Variants in MEIS2 observed in about 807,000 individuals in gnomAD.
MEIS2 encodes the protein Meis homeobox 2.
In MEIS2, 9 loss-of-function variants were observed where a neutral mutation model predicts 58.6. The ratio of observed to expected loss-of-function variants is 0.15; its 90% CI spans 0.09 to 0.27. MEIS2 has a LOEUF of 0.27. Among genes scored for constraint, MEIS2 ranks in the 10% least tolerant of loss-of-function variants. The pLI, the probability that MEIS2 is intolerant of heterozygous loss-of-function variation, is 1.00. For missense variants in MEIS2, 427 were observed against 635.0 expected, an observed-to-expected ratio of 0.67 and a Z score of 3.52; for synonymous variants, 221 against 228.4, an observed-to-expected ratio of 0.97 and a Z score of 0.29.
intron 9 of MEIS2, among the ~76,000 whole-genome samples, chr15:36,936,687 C>T (rs958297745): frequency 3.3e-5 from 5 of 152,094 alleles, no homozygotes; most frequent in African/African-American, 9.7e-5. Context: ...TTAAGAGTCA[C>T]AAAATAACAT....
At chr15:37,095,919 G>C in intron 3 of MEIS2, 1 of 477,140 alleles carries the variant, frequency 2.1e-6, no homozygotes, top group South Asian at 2.6e-5. Flanking sequence ...TGCTGCCTGG[G>C]ACCGCTCGGA....
In MEIS2 at chr15:36,935,330, C is replaced by T. The variant is rs563690622; in HGVS notation, c.977+14994G>A. Among the ~76,000 whole-genome samples, 4 of 152,064 alleles carry T rather than the reference C, an allele frequency of 2.6e-5. No individual in the cohort carries two copies. The East Asian group carries it at 7.7e-4, about 29-fold the overall frequency. ...GCCAAAAGCCATCCAGTAATATATT[C>T]AGCCCAAACCCAAACTAAATTTTTT... On this transcript the variant is annotated intron_variant, in intron 9 of 11. Coordinates refer to ENST00000561208, the MANE Select transcript of MEIS2 (RefSeq NM_170675.5).
intron 8 of MEIS2, among the ~76,000 whole-genome samples, chr15:37,028,823 TA>T (rs2141703379): frequency 6.6e-6 from 1 of 152,218 alleles, no homozygotes; most frequent in African/African-American, 2.4e-5. Context: ...CCCATCCCAA[TA>T]AGGACATGAC....
chr15:36,900,061 T>A (rs2056388298), intron 9 of MEIS2, among the ~76,000 whole-genome samples: 1 of 152,190 alleles, frequency 6.6e-6, no homozygotes. Flanking sequence ...ATTAAAAAAT[T>A]CTCTAAGTTT....
intron 7 of MEIS2, among the ~76,000 whole-genome samples, chr15:37,063,697 C>CAA (rs1245294935): frequency 6.6e-6 from 1 of 152,106 alleles, no homozygotes; most frequent in Non-Finnish European, 1.5e-5. Context: ...TGGTAATAAT[C>CAA]AAATAGAACT....
At chr15:37,013,861 C>A (rs537060775) in intron 8 of MEIS2, among the ~76,000 whole-genome samples, 34 of 152,216 alleles carry the variant, frequency 2.2e-4, no homozygotes, top group African/African-American at 6.7e-4. Flanking sequence ...CTGGCTTACT[C>A]CTCTTTCCAG....
chr15:37,079,254 A>C (rs892077975), intron 7 of MEIS2, among the ~76,000 whole-genome samples: 1 of 149,786 alleles, frequency 6.7e-6, no homozygotes, highest in African/African-American at 2.4e-5. Flanking sequence ...GACAGGAAGG[A>C]AAAAAAATGT....
chr15:37,046,462 G>GA (rs1194034995), intron 7 of MEIS2, among the ~76,000 whole-genome samples: 5 of 150,098 alleles, frequency 3.3e-5, no homozygotes, highest in Non-Finnish European at 7.4e-5. Flanking sequence ...AGTGGTGGGT[G>GA]AAAAAAAAAA....
Position 36,977,761 on chromosome 15 carries a change from A to G in MEIS2, c.901-27361T>C, listed in dbSNP as rs112445483. 4.2e-3 allele frequency among the ~76,000 whole-genome samples: 642 copies of G among 152,342 alleles called. 2 individuals are homozygous for G. Among genetic ancestry groups the G allele is most frequent in the African/African-American group, 0.015 (616 of 41,578 alleles). ...TCTAATTCCTAAAGATAAAACTTAG[A>G]AAAGGCTGGTTGATCTTTATCTTCT... On this transcript the variant is annotated intron_variant, in intron 8 of 11. Coordinates refer to ENST00000561208, the MANE Select transcript of MEIS2 (RefSeq NM_170675.5).
Position 36,971,537 on chromosome 15 carries a change from T to TAAAAAAAA in MEIS2, c.901-21145_901-21138dup, listed in dbSNP as rs71126247. Among the ~76,000 whole-genome samples the TAAAAAAAA allele has an allele frequency of 4.3e-4, 29 of 67,100 alleles. 2 individuals carry two copies. Among genetic ancestry groups the TAAAAAAAA allele is most frequent in the Middle Eastern group, 0.015 (1 of 68 alleles). 44.0% of individuals were successfully genotyped at this position (67,100 alleles called of 152,430 possible). On this transcript the variant is annotated intron_variant, in intron 8 of 11. Coordinates refer to ENST00000561208, the MANE Select transcript of MEIS2 (RefSeq NM_170675.5). Reference sequence around the variant, plus strand: ...GTATTACTTGTATGCCTTGTTACATTAAAAAAAAAAAAAAAAAAAAAAAAA... The same window carrying TAAAAAAAA: ...GTATTACTTGTATGCCTTGTTACATTAAAAAAAAAAAAAAAAAAAAAAAAAAAAAAAAA...
chr15:36,929,896 T>C (rs1023571122), intron 9 of MEIS2, among the ~76,000 whole-genome samples: 5 of 152,096 alleles, frequency 3.3e-5, no homozygotes, highest in Non-Finnish European at 7.4e-5. Flanking sequence ...AAGAAATCAG[T>C]TGAGGATTAA....
intron 7 of MEIS2, among the ~76,000 whole-genome samples, chr15:37,041,626 T>C (rs1402920021): frequency 6.6e-6 from 1 of 152,046 alleles, no homozygotes; most frequent in African/African-American, 2.4e-5. Context: ...GGCATCTGGG[T>C]GTAGGCAAAT....
chr15:36,970,265 G>GGGCA (rs2059496469), intron 8 of MEIS2, among the ~76,000 whole-genome samples: 1 of 152,004 alleles, frequency 6.6e-6, no homozygotes, highest in Non-Finnish European at 1.5e-5. Context: ...TTAGCCAGGC[G>GGGCA]TGGTGGCGGG....
In MEIS2 at chr15:37,096,856, T is replaced by A. The variant is rs551664558; in HGVS notation, c.246-426A>T. 4.6e-5 allele frequency among the ~76,000 whole-genome samples: 7 copies of A among 151,910 alleles called. 1 individual carries two copies. The South Asian group carries it at 1.5e-3, about 32-fold the overall frequency. The stretch of plus-strand genomic sequence containing the variant: ...ACACTGTGTGAAATTGAAAAAAAAA[T>A]AGTTTTAACTCTGCATTTTAATGGG... On this transcript the variant is annotated intron_variant, in intron 2 of 11. Transcript: ENST00000561208.
intron 9 of MEIS2, among the ~76,000 whole-genome samples, chr15:36,918,802 G>C (rs2057381998): frequency 6.6e-6 from 1 of 152,200 alleles, no homozygotes; most frequent in African/African-American, 2.4e-5. Context: ...TGCACAGATA[G>C]AGCAAGTACT....
At position 36,892,220 on chromosome 15, in the gene MEIS2, C is replaced by T. The variant is rs762141306; in HGVS notation, c.1387G>A (p.Val463Ile). The T allele has an allele frequency of 1.9e-6, 3 of 1,614,152 alleles. No homozygotes were observed. In the South Asian group the frequency reaches 3.3e-5, roughly 18 times the overall value. ...SAQSPTMLNS[V>I]DPNVGGQVMD... ...ACCTGTCCGCCAACATTGGGATCTA[C>T]AGAATTTAACATTGTGGGGCTCTGT... The change falls in exon 12 of 12, where the codon GTA becomes ATA. Residue 463 changes from valine to isoleucine, a missense_variant. Physicochemically the swap from Val to Ile is conservative, Grantham distance 29. Transcript: ENST00000561208.
chr15:37,051,736 G>C (rs1436038338), intron 7 of MEIS2, among the ~76,000 whole-genome samples: 1 of 152,198 alleles, frequency 6.6e-6, no homozygotes, highest in Non-Finnish European at 1.5e-5. Flanking sequence ...CAGAGATGCT[G>C]TAGTGGGAAT....
intron 1 of MEIS2, among the ~76,000 whole-genome samples, chr15:37,098,730 C>G (rs576889628): frequency 6.6e-6 from 1 of 152,064 alleles, no homozygotes; most frequent in Non-Finnish European, 1.5e-5. Context: ...CCCTAACCCC[C>G]CTTCGCCTCC....
chr15:37,089,784 T>C lies in MEIS2; in HGVS notation c.639+3797A>G, dbSNP rs147707550. On this transcript the variant is annotated intron_variant, in intron 6 of 11. Transcript: ENST00000561208. ...GCTCAGAGAATATACTTCAAGCAAG[T>C]AGATTTCATTTGTCTGAACTTTACA... Among the ~76,000 whole-genome samples the C allele has an allele frequency of 2.7e-3, 410 of 152,174 alleles. 3 individuals are homozygous for C. In the Middle Eastern group the frequency reaches 0.054, roughly 20 times the overall value.
Sources: allele counts gnomAD v4.1 joint callset (sites outside exome capture counted in the v4.1 genomes callset), GRCh38; gene constraint gnomAD v4.1.1; transcripts MANE v1.5; gene names NCBI Gene and HGNC (gene_info 2026-07-23, HGNC 2026-07-21).